The following CRACR2A variants were observed in gnomAD, a reference collection of about 807,000 sequenced individuals.
CRACR2A encodes the protein EF-hand calcium-binding domain-containing protein 4B.
CRACR2A carries 79 observed loss-of-function variants against 90.5 expected under a neutral mutation model. The ratio of observed to expected loss-of-function variants is 0.87; its 90% CI spans 0.73 to 1.05. The LOEUF is 1.05. Among genes scored for constraint, CRACR2A ranks in the 50% least tolerant of loss-of-function variants. CRACR2A has a pLI of 0.00. For synonymous variants in CRACR2A, 338 were observed against 356.7 expected (o/e 0.95, Z 0.59); for missense variants, 823 against 897.2 (o/e 0.92, Z 1.06).
chr12:3,632,451 C>T (rs546003304), intron 15 of CRACR2A, among the ~76,000 whole-genome samples: 38 of 152,288 alleles, frequency 2.5e-4, no homozygotes, highest in African/African-American at 8.7e-4. Flanking sequence ...TTGTCAGTGG[C>T]GGGGCCCAGA....
At chr12:3,654,167 G>A in intron 10 of CRACR2A, 45 bp downstream of exon 10, 1 of 1,591,488 alleles carries the variant, frequency 6.3e-7, no homozygotes, top group Non-Finnish European at 8.5e-7. Flanking sequence ...ATAGTGGGGA[G>A]TGGTGCGGGA....
At chr12:3,715,908 CA>C (rs1204443846) in intron 2 of CRACR2A, among the ~76,000 whole-genome samples, 9 of 152,086 alleles carry the variant, frequency 5.9e-5, no homozygotes, top group South Asian at 4.1e-4. Flanking sequence ...GATTAGAAAA[CA>C]AAAAGAAGTC....
In CRACR2A at chr12:3,633,514, G is replaced by C; in HGVS notation, c.1735+90C>G. The C allele has an allele frequency of 6.6e-7, 1 of 1,510,294 alleles. No individual in the cohort carries two copies. Among genetic ancestry groups the C allele is most frequent in the Non-Finnish European group, 8.9e-7 (1 of 1,118,210 alleles). The allele number at this position is 1,510,294 out of a possible 1,614,324, so 93.6% of individuals were successfully genotyped here. Reference sequence around the variant, plus strand: ...GCCAATCCCCATGGCCCTTCCCATGGGCTTCTAACGCTCCCTGCCCCGGGC... The same window carrying C: ...GCCAATCCCCATGGCCCTTCCCATGCGCTTCTAACGCTCCCTGCCCCGGGC... On this transcript the variant is annotated intron_variant, in intron 15 of 19. Coordinates refer to ENST00000440314, the MANE Select transcript of CRACR2A (RefSeq NM_001144958.2). The surrounding 1 kb of genome is among the most constrained non-coding windows in gnomAD (Gnocchi z 4.5).
intron 10 of CRACR2A, among the ~76,000 whole-genome samples, chr12:3,653,117 A>G (rs145453707): frequency 3.5e-4 from 54 of 152,138 alleles, no homozygotes; most frequent in African/African-American, 8.2e-4. Context: ...CGAGTAGCTG[A>G]GATTACAGGC....
chr12:3,645,233 G>A (rs773690270), intron 11 of CRACR2A, among the ~76,000 whole-genome samples: 2 of 152,220 alleles, frequency 1.3e-5, no homozygotes, highest in Non-Finnish European at 2.9e-5. Flanking sequence ...ACAGTGGTCA[G>A]TGACGCCCTC....
intron 8 of CRACR2A, among the ~76,000 whole-genome samples, chr12:3,657,470 G>A (rs1944936126): frequency 6.6e-6 from 1 of 152,216 alleles, no homozygotes; most frequent in African/African-American, 2.4e-5. Flanking sequence ...CGGGCCAGAG[G>A]CCTTTGGACA....
At chr12:3,720,269 GAA>G in intron 2 of CRACR2A, among the ~76,000 whole-genome samples, 1 of 137,500 alleles carries the variant, frequency 7.3e-6, no homozygotes, top group African/African-American at 2.7e-5. Context: ...AGGAAAGAAA[GAA>G]AGAGAGAGAG....
chr12:3,748,824 G>C (rs940332462), intron 1 of CRACR2A, among the ~76,000 whole-genome samples: 4 of 152,152 alleles, frequency 2.6e-5, no homozygotes, highest in Non-Finnish European at 4.4e-5. Context: ...ACCTCAGCCT[G>C]ACTGCAAATT....
At chr12:3,643,367 C>T (rs1328922625) in intron 12 of CRACR2A, among the ~76,000 whole-genome samples, 1 of 152,142 alleles carries the variant, frequency 6.6e-6, no homozygotes, top group Non-Finnish European at 1.5e-5. Context: ...CACATCATCC[C>T]CTTTCCAAGA....
intron 15 of CRACR2A, among the ~76,000 whole-genome samples, chr12:3,629,860 G>A (rs1944348533): frequency 1.6e-5 from 2 of 124,622 alleles, no homozygotes; most frequent in African/African-American, 3.1e-5. Context: ...GGGGGGGGGG[G>A]ATGAAGAGGT....
chr12:3,648,222 G>T (rs11062752), intron 11 of CRACR2A: 3 of 1,224,298 alleles, frequency 2.5e-6, no homozygotes, highest in Non-Finnish European at 2.0e-6. Context: ...TTCTAGCATA[G>T]ATTAAATGCT....
chr12:3,655,708 T>TGCCCTGCAGAGGGCACC (rs1353003457), intron 9 of CRACR2A, among the ~76,000 whole-genome samples: 1 of 152,218 alleles, frequency 6.6e-6, no homozygotes, highest in East Asian at 1.9e-4. Context: ...ATATAGACAC[T>TGCCCTGCAGAGGGCACC]GCCCTGCAGA....
chr12:3,630,838 G>C (rs1394956083), intron 15 of CRACR2A, among the ~76,000 whole-genome samples: 1 of 152,230 alleles, frequency 6.6e-6, no homozygotes, highest in East Asian at 1.9e-4. Context: ...TGGAGCAACT[G>C]GCATTTCACA....
chr12:3,731,096 G>A (rs1045493145), intron 2 of CRACR2A: 17 of 152,218 alleles, frequency 1.1e-4, no homozygotes, highest in African/African-American at 4.1e-4. Context: ...GCTTTACTAG[G>A]TGTGGAGACA....
chr12:3,690,654 T>C (rs1196897199), intron 4 of CRACR2A, among the ~76,000 whole-genome samples: 2 of 151,912 alleles, frequency 1.3e-5, no homozygotes, highest in Non-Finnish European at 2.9e-5. Flanking sequence ...GGGTGGAGAG[T>C]TCTGTAGATG....
intron 1 of CRACR2A, among the ~76,000 whole-genome samples, chr12:3,739,350 G>A (rs1399048734): frequency 6.6e-6 from 1 of 151,072 alleles, no homozygotes; most frequent in East Asian, 1.9e-4. Flanking sequence ...ACTTATATGA[G>A]CATTTTTTTG....
At chr12:3,688,669 T>C (rs1945605745) in intron 4 of CRACR2A, among the ~76,000 whole-genome samples, 1 of 152,154 alleles carries the variant, frequency 6.6e-6, no homozygotes, top group Non-Finnish European at 1.5e-5. Flanking sequence ...CTTGGCTATT[T>C]GAGCTCTTTT....
chr12:3,629,011 C>T (rs1025153755), intron 15 of CRACR2A, among the ~76,000 whole-genome samples: 2 of 152,140 alleles, frequency 1.3e-5, no homozygotes, highest in Non-Finnish European at 2.9e-5. Context: ...GGAGTGCAAT[C>T]GTCTGCGCTG....
intron 1 of CRACR2A, among the ~76,000 whole-genome samples, chr12:3,743,949 G>C (rs887553290): frequency 2.6e-5 from 4 of 152,206 alleles, no homozygotes; most frequent in African/African-American, 9.6e-5. Context: ...AAGAATGCTC[G>C]CTGGGGAAAT....
Sources: gnomAD v4.1 joint callset for allele counts (sites outside exome capture counted in the v4.1 genomes callset) on GRCh38, gnomAD v4.1.1 for gene constraint, Gnocchi (gnomAD v3.1) non-coding constraint, MANE v1.5 for transcripts, NCBI Gene and HGNC (gene_info 2026-07-23, HGNC 2026-07-21) for gene names.